Variants in FCF1 observed in about 807,000 individuals in gnomAD.
The protein encoded by FCF1 is FCF1 rRNA-processing protein.
FCF1 carries 17 observed loss-of-function variants against 32.5 expected under a neutral mutation model. The ratio of observed to expected loss-of-function variants is 0.52; its 90% CI spans 0.36 to 0.78. The LOEUF is 0.78. Ranked by LOEUF, FCF1 falls within the 30% of genes least tolerant of loss-of-function variation. FCF1 has a pLI of 0.00. For missense variants in FCF1, 201 were observed against 241.1 expected (o/e 0.83, Z 1.10); for synonymous variants, 84 against 78.4 (o/e 1.07, Z -0.38).
chr14:74,715,046 G>A (rs1441118542), intron 3 of FCF1, 103 bp downstream of exon 3: 2 of 1,166,876 alleles, frequency 1.7e-6, no homozygotes, highest in African/African-American at 1.6e-5. Flanking sequence ...AGTAAGTCTA[G>A]CACAACTATG....
chr14:74,722,238 G>A (rs1024151016), intron 4 of FCF1, among the ~76,000 whole-genome samples: 2 of 151,580 alleles, frequency 1.3e-5, no homozygotes, highest in Non-Finnish European at 2.9e-5. Flanking sequence ...TAGTAGAGAC[G>A]GGTTTCACCA....
At chr14:74,720,551 C>T (rs1468196557) in intron 4 of FCF1, among the ~76,000 whole-genome samples, 3 of 152,032 alleles carry the variant, frequency 2.0e-5, no homozygotes, top group Non-Finnish European at 4.4e-5. Context: ...AATAATATTC[C>T]ACTGTATGGA....
At chr14:74,731,650 G>T (rs1477239398) in intron 5 of FCF1, among the ~76,000 whole-genome samples, 1 of 152,112 alleles carries the variant, frequency 6.6e-6, no homozygotes, top group Non-Finnish European at 1.5e-5. Context: ...CAAATACCAA[G>T]AAACCATTTT....
At chr14:74,734,001 C>T (rs2090671905) in intron 6 of FCF1, 75 bp from the exon 7 acceptor site, 3 of 956,840 alleles carry the variant, frequency 3.1e-6, no homozygotes, top group Non-Finnish European at 5.1e-6. Flanking sequence ...ACTGGTCAGT[C>T]GTTGTGCCAT....
intron 4 of FCF1, among the ~76,000 whole-genome samples, chr14:74,717,023 C>G (rs60422988): frequency 2.4e-5 from 3 of 124,574 alleles, no homozygotes; most frequent in African/African-American, 9.0e-5. Context: ...TTTAGATGCC[C>G]AAAAATTAAT....
At chr14:74,715,620 T>A in intron 3 of FCF1, 1 of 383,344 alleles carries the variant, frequency 2.6e-6, no homozygotes, top group Non-Finnish European at 4.9e-6. Context: ...TGTTGTTGTA[T>A]CATTCTAATC....
At chr14:74,728,391 T>C (rs2090598215) in intron 5 of FCF1, among the ~76,000 whole-genome samples, 2 of 152,288 alleles carry the variant, frequency 1.3e-5, no homozygotes, top group South Asian at 4.2e-4. Context: ...TCACTCATGA[T>C]TTGGCTCTCT....
At chr14:74,732,582 C>A (rs895043928) in intron 5 of FCF1, 149 bp from the exon 6 acceptor site, 7 of 614,898 alleles carry the variant, frequency 1.1e-5, no homozygotes, top group African/African-American at 1.9e-5. Context: ...CATTCCCTGC[C>A]CCGTGAATTG....
chr14:74,713,245 T>C, intron 1 of FCF1, 45 bp downstream of exon 1: 2 of 1,614,214 alleles, frequency 1.2e-6, no homozygotes, highest in Non-Finnish European at 1.7e-6. Flanking sequence ...GGCCACTTTT[T>C]GGGTGGAGAA....
intron 2 of FCF1, 135 bp downstream of exon 2, chr14:74,713,687 A>G (rs1435428140): frequency 2.8e-6 from 2 of 712,542 alleles, no homozygotes; most frequent in Non-Finnish European, 4.8e-6. Context: ...TGAGATAGCC[A>G]GTGTTTAACA....
chr14:74,731,286 A>T (rs1020844379), intron 5 of FCF1, among the ~76,000 whole-genome samples: 2 of 152,184 alleles, frequency 1.3e-5, no homozygotes, highest in African/African-American at 4.8e-5. Flanking sequence ...CTTAAGGCAG[A>T]GAATATATGA....
At chr14:74,715,798 T>A (rs1253623039) in intron 3 of FCF1, 153 bp from the exon 4 acceptor site, 9 of 1,556,424 alleles carry the variant, frequency 5.8e-6, no homozygotes, top group Non-Finnish European at 7.0e-6. Flanking sequence ...TGATATTACT[T>A]TCTTCCTTGC....
At chr14:74,725,165 T>C (rs769099490) in intron 5 of FCF1, among the ~76,000 whole-genome samples, 1 of 151,836 alleles carries the variant, frequency 6.6e-6, no homozygotes, top group Non-Finnish European at 1.5e-5. Context: ...AGCAAAAAAT[T>C]GCAGACAGCC....
rs1201762862 is a variant in FCF1, at chr14:74,736,989, A to C, written c.*2059A>C. On this transcript the variant is annotated 3_prime_UTR_variant, in exon 8 of 8. Transcript: ENST00000341162. Reference sequence around the variant, plus strand: ...GGAGAGGGAGGAAAGGCCAGTGGTCATGTGGTTTGAGCTAATCTTAAAAAT... The same window carrying C: ...GGAGAGGGAGGAAAGGCCAGTGGTCCTGTGGTTTGAGCTAATCTTAAAAAT... The C allele has an allele frequency of 6.6e-6, 1 of 152,206 alleles. No individual in the cohort carries two copies. Among genetic ancestry groups the C allele is most frequent in the Non-Finnish European group, 1.5e-5 (1 of 68,066 alleles). 9.4% of individuals were successfully genotyped at this position (152,206 alleles called of 1,614,324 possible). A position where few individuals can be genotyped will look rare whatever the true frequency, so the allele number is the denominator to read the frequency against.
chr14:74,714,724 G>C (rs185242089), intron 2 of FCF1, 148 bp from the exon 3 acceptor site: 17 of 1,084,426 alleles, frequency 1.6e-5, no homozygotes, highest in Middle Eastern at 3.1e-4. Context: ...TGCTCAGAAA[G>C]AGTATGCTGA....
At position 74,713,151 on chromosome 14, in the gene FCF1, T is replaced by A. The variant is rs1228752406; in HGVS notation, c.-47T>A. 2 of 1,614,010 alleles carry A rather than the reference T, an allele frequency of 1.2e-6. No homozygotes were observed. The highest frequency in any genetic ancestry group is 1.7e-6 in the Non-Finnish European group (2 of 1,180,004). On this transcript the variant is annotated 5_prime_UTR_variant, in exon 1 of 8. Transcript: ENST00000341162. ...AAGCAGTATGTGAATGACGTAGAAG[T>A]ATTGCGCCGTTGGTGATTACGGAAG... is the stretch of plus-strand genomic sequence containing the variant.
chr14:74,714,910 A>T lies in FCF1; in HGVS notation c.110A>T (p.Lys37Met). Residue 37 changes from lysine to methionine, a missense_variant, in exon 3 of 8, where the codon AAG becomes ATG. By Grantham distance (95) the Lys-to-Met change is moderately conservative. Coordinates refer to ENST00000341162, the MANE Select transcript of FCF1 (RefSeq NM_015962.5). ...KDRLKPKKKE[K>M]KDPSALKERE... is the part of the protein sequence containing the mutation. ...AGATTAAAACCTAAAAAGAAAGAAA[A>T]GAAGGATCCCAGCGCATTAAAGGAA... is the stretch of plus-strand genomic sequence containing the variant. The T allele has an allele frequency of 6.3e-7, 1 of 1,597,208 alleles. No individual in the cohort carries two copies. Among genetic ancestry groups the T allele is most frequent in the Non-Finnish European group, 8.5e-7 (1 of 1,174,400 alleles).
intron 5 of FCF1, among the ~76,000 whole-genome samples, chr14:74,730,356 G>T (rs1187838887): frequency 6.6e-6 from 1 of 151,660 alleles, no homozygotes; most frequent in Non-Finnish European, 1.5e-5. Flanking sequence ...GGGACTACAG[G>T]TGCATACCAC....
intron 5 of FCF1, among the ~76,000 whole-genome samples, chr14:74,731,724 A>G (rs2090640304): frequency 6.6e-6 from 1 of 151,870 alleles, no homozygotes; most frequent in Non-Finnish European, 1.5e-5. Flanking sequence ...ATCTTATTTC[A>G]CCCCATGTCA....
Sources: allele counts gnomAD v4.1 joint callset (sites outside exome capture counted in the v4.1 genomes callset), GRCh38; gene constraint gnomAD v4.1.1; transcripts MANE v1.5; gene names NCBI Gene and HGNC (gene_info 2026-07-23, HGNC 2026-07-21).